Variants in MCTP1 observed in about 807,000 individuals in gnomAD.
The protein encoded by MCTP1 is multiple C2 and transmembrane domain-containing protein 1.
MCTP1 carries 69 observed loss-of-function variants against 120.6 expected under a neutral mutation model. That is an observed-to-expected ratio of 0.57 (90% CI 0.47 to 0.70). MCTP1 has a LOEUF of 0.70. Among genes scored for constraint, MCTP1 ranks in the 30% least tolerant of loss-of-function variants. MCTP1 has a pLI of 0.00. For synonymous variants in MCTP1, 529 were observed against 493.1 expected (o/e 1.07, Z -0.96); for missense variants, 1,203 against 1,248.8 (o/e 0.96, Z 0.55).
At chr5:95,247,353 C>G (rs1006516563) in intron 1 of MCTP1, among the ~76,000 whole-genome samples, 1 of 152,110 alleles carries the variant, frequency 6.6e-6, no homozygotes, top group Non-Finnish European at 1.5e-5. Context: ...CTCCTGGATT[C>G]ATTGATTTTT....
intron 11 of MCTP1, among the ~76,000 whole-genome samples, chr5:94,890,600 A>G (rs1476325452): frequency 6.6e-6 from 1 of 152,222 alleles, no homozygotes; most frequent in East Asian, 1.9e-4. Context: ...TTACAGTTTT[A>G]TTTGCTATTT....
At chr5:95,085,161 T>A (rs920038008) in intron 1 of MCTP1, among the ~76,000 whole-genome samples, 2 of 152,104 alleles carry the variant, frequency 1.3e-5, no homozygotes, top group African/African-American at 4.8e-5. Flanking sequence ...AATAGACACA[T>A]CTGAAGCCTC....
chr5:95,174,939 T>G (rs1747787713), intron 1 of MCTP1, among the ~76,000 whole-genome samples: 3 of 152,208 alleles, frequency 2.0e-5, no homozygotes, highest in Admixed American at 6.5e-5. Flanking sequence ...CTCTTTTTTT[T>G]CCATTTGTCT....
intron 17 of MCTP1, among the ~76,000 whole-genome samples, chr5:94,837,816 G>A (rs1790165550): frequency 6.6e-6 from 1 of 152,126 alleles, no homozygotes; most frequent in Admixed American, 6.6e-5. Context: ...AAGGCTCCCA[G>A]GTCAGATTAT....
At chr5:94,767,552 A>G (rs1007358715) in intron 19 of MCTP1, among the ~76,000 whole-genome samples, 3 of 152,222 alleles carry the variant, frequency 2.0e-5, no homozygotes, top group Admixed American at 6.5e-5. Context: ...ACAGATAAAC[A>G]AATTCAATAT....
intron 20 of MCTP1, among the ~76,000 whole-genome samples, chr5:94,711,247 G>C (rs1314432140): frequency 6.6e-6 from 1 of 152,058 alleles, no homozygotes; most frequent in African/African-American, 2.4e-5. Context: ...CTACTGCTAA[G>C]ACTAGTACCC....
intron 2 of MCTP1, among the ~76,000 whole-genome samples, chr5:94,981,604 G>A (rs970598759): frequency 2.6e-5 from 4 of 152,164 alleles, no homozygotes; most frequent in Non-Finnish European, 5.9e-5. Context: ...ACAGTGTGCT[G>A]TGTGGTGATC....
intron 17 of MCTP1, chr5:94,867,877 A>T (rs1038468666): frequency 4.4e-5 from 7 of 157,620 alleles, no homozygotes; most frequent in African/African-American, 1.7e-4. Context: ...GTTGAATCAC[A>T]TGTTAAAGCA....
intron 1 of MCTP1, among the ~76,000 whole-genome samples, chr5:95,173,966 C>A (rs1274115688): frequency 3.3e-5 from 5 of 151,668 alleles, no homozygotes; most frequent in African/African-American, 1.2e-4. Context: ...GAAGAAAAAG[C>A]CAAGGAAATA....
chr5:94,814,484 A>C (rs1186070593), intron 17 of MCTP1, among the ~76,000 whole-genome samples: 1 of 152,218 alleles, frequency 6.6e-6, no homozygotes, highest in African/African-American at 2.4e-5. Flanking sequence ...GCAAATATCA[A>C]CATCAATCTT....
chr5:95,263,867 T>C (rs1758674071), intron 1 of MCTP1, among the ~76,000 whole-genome samples: 1 of 152,172 alleles, frequency 6.6e-6, no homozygotes, highest in Admixed American at 6.5e-5. Flanking sequence ...TCCACCTCTC[T>C]TCCCCATGGG....
chr5:94,733,488 A>C (rs1011995537), intron 19 of MCTP1, among the ~76,000 whole-genome samples: 1 of 152,246 alleles, frequency 6.6e-6, no homozygotes, highest in African/African-American at 2.4e-5. Flanking sequence ...CTGGGGTGTT[A>C]GGATGGTCAC....
At chr5:95,240,913 C>T (rs559444766) in intron 1 of MCTP1, among the ~76,000 whole-genome samples, 20 of 152,034 alleles carry the variant, frequency 1.3e-4, no homozygotes, top group African/African-American at 4.8e-4. Context: ...CTCTCTCCCT[C>T]TCTCTCTCCA....
In MCTP1 at chr5:95,283,994, G is replaced by A; in HGVS notation, c.582C>T (p.Cys194=). The change falls in exon 1 of 23, where the codon TGC becomes TGT. Residue 194 remains cysteine (C), a synonymous_variant. Transcript: ENST00000515393. Reference sequence around the variant, plus strand: ...CCGGCAGAGAGGAGCTCTTCTGGTGGCACAAGTGCGCCCCGGGGCCCTGAC... The same window carrying A: ...CCGGCAGAGAGGAGCTCTTCTGGTGACACAAGTGCGCCCCGGGGCCCTGAC... ...ARRQGPGAHL[C]HQKSSSLPGT... The A allele has an allele frequency of 6.8e-7, 1 of 1,467,280 alleles. No homozygotes were observed. The highest frequency in any genetic ancestry group is 2.6e-5 in the Admixed American group (1 of 37,894). 90.9% of individuals were successfully genotyped at this position (1,467,280 alleles called of 1,614,324 possible). A position where few individuals can be genotyped will look rare whatever the true frequency, so the allele number is the denominator to read the frequency against.
chr5:94,955,498 G>A (rs1206522997), intron 2 of MCTP1, among the ~76,000 whole-genome samples: 1 of 152,172 alleles, frequency 6.6e-6, no homozygotes, highest in East Asian at 1.9e-4. Context: ...ATGGAGCCCA[G>A]AAAGCTAAGA....
At chr5:94,892,086 A>C (rs1281087010) in intron 11 of MCTP1, among the ~76,000 whole-genome samples, 1 of 152,226 alleles carries the variant, frequency 6.6e-6, no homozygotes, top group Non-Finnish European at 1.5e-5. Flanking sequence ...CTATTACGGG[A>C]GAGGCAATAC....
chr5:95,241,931 TCTCA>T (rs1185872952), intron 1 of MCTP1, among the ~76,000 whole-genome samples: 1 of 152,116 alleles, frequency 6.6e-6, no homozygotes, highest in Non-Finnish European at 1.5e-5. Context: ...AACCACAGTC[TCTCA>T]CTGAGTGAAA....
intron 10 of MCTP1, among the ~76,000 whole-genome samples, chr5:94,902,902 C>T (rs982786054): frequency 6.6e-6 from 1 of 152,204 alleles, no homozygotes; most frequent in South Asian, 2.1e-4. Context: ...ACTATACATA[C>T]AGCAGTGTAT....
intron 17 of MCTP1, among the ~76,000 whole-genome samples, chr5:94,837,768 A>G (rs760283981): frequency 2.0e-5 from 3 of 152,182 alleles, no homozygotes; most frequent in South Asian, 4.1e-4. Context: ...GGCGCTGGTT[A>G]ATTGACAGTC....
Sources: allele counts gnomAD v4.1 joint callset (sites outside exome capture counted in the v4.1 genomes callset), GRCh38; gene constraint gnomAD v4.1.1; transcripts MANE v1.5; gene names NCBI Gene and HGNC (gene_info 2026-07-23, HGNC 2026-07-21).